Variants in NBEA observed in about 807,000 individuals in gnomAD.
The protein encoded by NBEA is neurobeachin, also known as lysosomal-trafficking regulator 2.
NBEA carries 44 observed loss-of-function variants against 343.4 expected under a neutral mutation model. The observed-to-expected ratio is 0.13, with a 90% CI of 0.10 to 0.16. The LOEUF is 0.16. Ranked by LOEUF, NBEA falls within the 10% of genes least tolerant of loss-of-function variation. NBEA has a pLI of 1.00. For synonymous variants in NBEA, 1,175 were observed against 1,238.7 expected (o/e 0.95, Z 1.08); for missense variants, 2,555 against 3,631.3 (o/e 0.70, Z 7.62).
At chr13:35,466,688 C>T (rs1047676254) in intron 40 of NBEA, among the ~76,000 whole-genome samples, 2 of 152,010 alleles carry the variant, frequency 1.3e-5, no homozygotes, top group Non-Finnish European at 2.9e-5. Flanking sequence ...AGGCTGGTCT[C>T]AATCTCCTGG....
At chr13:35,338,254 G>A (rs2039381406) in intron 36 of NBEA, among the ~76,000 whole-genome samples, 1 of 151,672 alleles carries the variant, frequency 6.6e-6, no homozygotes. Flanking sequence ...CTAAAATCGG[G>A]AATGAAAGTA....
chr13:35,433,802 A>T (rs993456999), intron 39 of NBEA, among the ~76,000 whole-genome samples: 18 of 152,096 alleles, frequency 1.2e-4, no homozygotes, highest in African/African-American at 4.3e-4. Flanking sequence ...TATCATTATG[A>T]TCTTGTAGGA....
chr13:35,397,450 A>T (rs187081059), intron 38 of NBEA, among the ~76,000 whole-genome samples: 105 of 152,228 alleles, frequency 6.9e-4, no homozygotes, highest in African/African-American at 2.5e-3. Context: ...ACTTAACCTT[A>T]TCCACAAGTA....
rs563561729 is a variant in NBEA, at chr13:35,054,875, G to A, written c.973-1135G>A. On this transcript the variant is annotated intron_variant, in intron 6 of 58. Transcript: ENST00000379939. ...GCCAGCCTGGTCTCGAACTTCTGAC[G>A]TCAGTTGATCTGCCCACCTTGGCCT... Among the ~76,000 whole-genome samples, 36 of 151,784 alleles carry A rather than the reference G, an allele frequency of 2.4e-4. No individual in the cohort carries two copies. In the South Asian group the frequency reaches 6.0e-3, roughly 25 times the overall value.
chr13:35,426,647 T>C (rs913310984), intron 38 of NBEA, among the ~76,000 whole-genome samples: 1 of 152,022 alleles, frequency 6.6e-6, no homozygotes, highest in African/African-American at 2.4e-5. Flanking sequence ...TCTCGAGGAG[T>C]ATCTTTGTGG....
At chr13:35,350,982 C>T (rs547710244) in intron 37 of NBEA, among the ~76,000 whole-genome samples, 31 of 152,048 alleles carry the variant, frequency 2.0e-4, no homozygotes, top group African/African-American at 7.0e-4. Context: ...TTTAATTTTA[C>T]TCTCCAATGA....
At chr13:35,285,773 T>C (rs2035381310) in intron 34 of NBEA, among the ~76,000 whole-genome samples, 1 of 152,182 alleles carries the variant, frequency 6.6e-6, no homozygotes, top group African/African-American at 2.4e-5. Context: ...GAGCTAATTC[T>C]GTCTGCGCCC....
chr13:35,459,359 T>G (rs1023348396), intron 40 of NBEA, among the ~76,000 whole-genome samples: 3 of 152,134 alleles, frequency 2.0e-5, no homozygotes, highest in African/African-American at 7.2e-5. Flanking sequence ...TTATGTAGAA[T>G]TTTTCTTAAG....
chr13:35,628,340 C>A, intron 49 of NBEA, 92 bp downstream of exon 49: 1 of 999,692 alleles, frequency 1.0e-6, no homozygotes, highest in South Asian at 2.2e-5. Flanking sequence ...ATTTTGTTTT[C>A]AACATAACTT....
chr13:35,476,158 T>C (rs765530305), intron 41 of NBEA: 12 of 1,613,376 alleles, frequency 7.4e-6, no homozygotes, highest in African/African-American at 1.3e-5. Context: ...GAGATCCGGA[T>C]TGTACACCGG....
chr13:35,263,243 G>A (rs2033369149), intron 34 of NBEA, among the ~76,000 whole-genome samples: 1 of 151,356 alleles, frequency 6.6e-6, no homozygotes, highest in Admixed American at 6.6e-5. Flanking sequence ...TTCAACAGAT[G>A]GGAAAAGTGG....
chr13:35,332,860 G>T (rs2039009587), intron 36 of NBEA, among the ~76,000 whole-genome samples: 1 of 152,084 alleles, frequency 6.6e-6, no homozygotes, highest in Admixed American at 6.6e-5. Context: ...ACTCATTGAG[G>T]CATCATGAGT....
rs1402223949 is a variant in NBEA, at chr13:35,352,247, A to T, written c.6103A>T (p.Thr2035Ser). The T allele has an allele frequency of 6.4e-7, 1 of 1,565,488 alleles. No homozygotes were observed. ...TGCTGCTAAACATCGAGATCATGTA[A>T]CAGCAAATCAGCTGAAACAGAAGAT... Reference protein sequence around the residue: ...ISAAKHRDHVTANQLKQKILN... With the variant: ...ISAAKHRDHVSANQLKQKILN... The change falls in exon 38 of 59, where the codon ACA becomes TCA. Residue 2035 changes from threonine to serine, a missense_variant. Thr to Ser is a moderately conservative substitution (Grantham distance 58). Coordinates refer to ENST00000379939, the MANE Select transcript of NBEA (RefSeq NM_001385012.1).
intron 1 of NBEA, among the ~76,000 whole-genome samples, chr13:34,971,199 C>T (rs4943291): frequency 0.33 from 49,416 of 151,682 alleles, 8,586 homozygotes; most frequent in Middle Eastern, 0.51. Context: ...TGTATAGGAA[C>T]GCTAGCAATT....
At position 35,236,856 on chromosome 13, in the gene NBEA, C is replaced by T. The variant is rs539467699; in HGVS notation, c.5776+4237C>T. On this transcript the variant is annotated intron_variant, in intron 34 of 58. Transcript: ENST00000379939. ...TAATGTCATGACTTATGTGCTCCTACAGTATTTTACTTACATAATATTAAT... is the reference window on the plus strand; with the variant it reads ...TAATGTCATGACTTATGTGCTCCTATAGTATTTTACTTACATAATATTAAT... Among the ~76,000 whole-genome samples the T allele has an allele frequency of 6.6e-5, 10 of 151,908 alleles. No homozygotes were observed. The South Asian group carries it at 1.9e-3, about 28-fold the overall frequency.
chr13:35,147,246 A>G (rs2068489426), intron 18 of NBEA, among the ~76,000 whole-genome samples: 1 of 152,236 alleles, frequency 6.6e-6, no homozygotes, highest in Non-Finnish European at 1.5e-5. Flanking sequence ...TTGTTAGCAT[A>G]AGCCTGGGCC....
Position 35,157,367 on chromosome 13 carries a change from A to T in NBEA, c.2844+97A>T. ...TGGTGCCATCTTGTGGGCATCTTAG[A>T]TTTTGACAGATTCCTGTATCTCAGT... is the stretch of plus-strand genomic sequence containing the variant. On this transcript the variant is annotated intron_variant, in intron 21 of 58. Transcript: ENST00000379939. 4 of 891,038 alleles carry T rather than the reference A, an allele frequency of 4.5e-6. No individual in the cohort carries two copies. The African/African-American group carries it at 5.2e-5, about 12-fold the overall frequency. The allele number at this position is 891,038 out of a possible 1,614,324, so 55.2% of individuals were successfully genotyped here.
chr13:35,668,290 A>G, intron 57 of NBEA, 78 bp from the exon 58 acceptor site: 9 of 1,461,794 alleles, frequency 6.2e-6, no homozygotes, highest in Non-Finnish European at 8.3e-6. Flanking sequence ...GCTATTTAGG[A>G]AAAATTGAGA....
At chr13:35,161,534 C>T (rs2069559239) in intron 22 of NBEA, among the ~76,000 whole-genome samples, 1 of 152,032 alleles carries the variant, frequency 6.6e-6, no homozygotes, top group Non-Finnish European at 1.5e-5. Context: ...TGCCTAGTTT[C>T]TGCAATAGTA....
Sources: allele counts gnomAD v4.1 joint callset (sites outside exome capture counted in the v4.1 genomes callset), GRCh38; gene constraint gnomAD v4.1.1; transcripts MANE v1.5; gene names NCBI Gene and HGNC (gene_info 2026-07-23, HGNC 2026-07-21).